Variants in CTNNBIP1 observed in about 807,000 individuals in gnomAD.
CTNNBIP1 encodes catenin beta interacting protein 1.
In CTNNBIP1, 7 loss-of-function variants were observed where a neutral mutation model predicts 11.8. The ratio of observed to expected loss-of-function variants is 0.60; its 90% confidence interval spans 0.34 to 1.12. CTNNBIP1 has a LOEUF of 1.12. Among genes scored for constraint, CTNNBIP1 ranks in the 50% most tolerant of loss-of-function variants. The pLI is 0.03. For synonymous variants in CTNNBIP1, 58 were observed against 43.9 expected (o/e 1.32, Z -1.26); for missense variants, 101 against 113.4 (o/e 0.89, Z 0.50).
chr1:9,904,044 G>A (rs1363301907), intron 1 of CTNNBIP1, among the ~76,000 whole-genome samples: 1 of 152,174 alleles, frequency 6.6e-6, no homozygotes, highest in African/African-American at 2.4e-5. Flanking sequence ...AGGATGAAAT[G>A]AGACAGTGTA....
chr1:9,849,575 A>C lies in CTNNBIP1; in HGVS notation c.*1143T>G, dbSNP rs1216400029. 6.6e-6 allele frequency: 1 copy of C among 152,228 alleles called. No individual in the cohort carries two copies. The highest frequency in any genetic ancestry group is 2.4e-5 in the African/African-American group (1 of 41,456). The allele number at this position is 152,228 out of a possible 1,614,324, so 9.4% of individuals were successfully genotyped here. ...GCTTTTATGTGGGTTCTGGGCTCCC[A>C]GAGACCTCCGCCAGATGACCTCCAG... On this transcript the variant is annotated 3_prime_UTR_variant, in exon 6 of 6. Coordinates refer to ENST00000377263, the MANE Select transcript of CTNNBIP1 (RefSeq NM_020248.3).
chr1:9,907,035 T>C lies in CTNNBIP1; in HGVS notation c.-144+3060A>G, dbSNP rs148593351. ...ATAAGATTTCAAAAGAGCCAGCTTCTAGGGGACACAGACGCTTAACCATAA... is the reference window on the plus strand; with the variant it reads ...ATAAGATTTCAAAAGAGCCAGCTTCCAGGGGACACAGACGCTTAACCATAA... On this transcript the variant is annotated intron_variant, in intron 1 of 5. Coordinates refer to ENST00000377263, the MANE Select transcript of CTNNBIP1 (RefSeq NM_020248.3). Among the ~76,000 whole-genome samples, 615 of 152,324 alleles carry C rather than the reference T, an allele frequency of 4.0e-3. 7 individuals carry two copies. Among genetic ancestry groups the C allele is most frequent in the African/African-American group, 0.014 (587 of 41,560 alleles).
Position 9,871,986 on chromosome 1 carries a change from G to T in CTNNBIP1, c.79C>A (p.Arg27=). 5 of 1,614,074 alleles carry T rather than the reference G, an allele frequency of 3.1e-6. No homozygotes were observed. The highest frequency in any genetic ancestry group is 4.2e-6 in the Non-Finnish European group (5 of 1,179,944). ...QQKVRVLLML[R]KMGSNLTASE... is the part of the protein sequence containing the mutation. ...GCACTCACGTTTGATCCCATCTTCC[G>T]CAGCATGAGCAGCACTCGGACCTTC... The change falls in exon 4 of 6, where the codon CGG becomes AGG. Residue 27 remains arginine, a synonymous_variant. Transcript: ENST00000377263. This position sits in a 1 kb window ranked among gnomAD's most constrained non-coding sequence, Gnocchi z 5.2.
In CTNNBIP1 at chr1:9,849,827, T is replaced by C. The variant is rs1327886156; in HGVS notation, c.*891A>G. 7.2e-5 allele frequency: 11 copies of C among 152,058 alleles called. No homozygotes were observed. Among genetic ancestry groups the C allele is most frequent in the Non-Finnish European group, 1.5e-4 (10 of 68,038 alleles). 9.4% of individuals were successfully genotyped at this position (152,058 alleles called of 1,614,324 possible). A position where few individuals can be genotyped will look rare whatever the true frequency, so the allele number is the denominator to read the frequency against. On this transcript the variant is annotated 3_prime_UTR_variant, in exon 6 of 6. Coordinates refer to ENST00000377263, the MANE Select transcript of CTNNBIP1 (RefSeq NM_020248.3). ...AGCTCATGCAGGCAGTGCACATAAA[T>C]CCCGCCTAACGGTTACCTCTAGGCC...
At chr1:9,859,450 C>T (rs1350043211) in intron 5 of CTNNBIP1, among the ~76,000 whole-genome samples, 1 of 152,196 alleles carries the variant, frequency 6.6e-6, no homozygotes, top group African/African-American at 2.4e-5. Flanking sequence ...CATGCTGGAA[C>T]CAGCTCTGCT....
chr1:9,868,114 T>G (rs1638786043), intron 5 of CTNNBIP1, among the ~76,000 whole-genome samples: 1 of 152,184 alleles, frequency 6.6e-6, no homozygotes, highest in Non-Finnish European at 1.5e-5. Flanking sequence ...CAGAACCTCC[T>G]GCAGCTCAGG....
chr1:9,894,537 T>C (rs1639371931), intron 1 of CTNNBIP1, among the ~76,000 whole-genome samples: 1 of 151,608 alleles, frequency 6.6e-6, no homozygotes, highest in Admixed American at 6.6e-5. Context: ...TTTTTTTCTT[T>C]TCTTTTGTGA....
Position 9,883,255 on chromosome 1 carries a change from A to AT in CTNNBIP1, c.-110+449dup, listed in dbSNP as rs1214148640. ...CCCAGGAAGACCGGAGTCTGGGTGG[A>AT]TTCATGTGAAGCCCTGTGTGAGATG... On this transcript the variant is annotated intron_variant, in intron 2 of 5. Transcript: ENST00000377263. This position sits in a 1 kb window ranked among gnomAD's most constrained non-coding sequence, Gnocchi z 5.6. Among the ~76,000 whole-genome samples the AT allele has an allele frequency of 6.6e-6, 1 of 152,146 alleles. No homozygotes were observed. Among genetic ancestry groups the AT allele is most frequent in the Non-Finnish European group, 1.5e-5 (1 of 68,018 alleles).
chr1:9,892,384 T>C (rs1639322714), intron 1 of CTNNBIP1, among the ~76,000 whole-genome samples: 1 of 148,494 alleles, frequency 6.7e-6, no homozygotes, highest in Admixed American at 6.7e-5. Flanking sequence ...ATCGCGCCAC[T>C]GCATTCCAGC....
intron 2 of CTNNBIP1, among the ~76,000 whole-genome samples, chr1:9,879,504 C>G: frequency 6.6e-6 from 1 of 152,210 alleles, no homozygotes; most frequent in South Asian, 2.1e-4. Flanking sequence ...CTGTGTGTCC[C>G]TTTAACCAGC....
At chr1:9,908,073 G>A (rs912366667) in intron 1 of CTNNBIP1, among the ~76,000 whole-genome samples, 4 of 151,970 alleles carry the variant, frequency 2.6e-5, no homozygotes, top group Non-Finnish European at 5.9e-5. Flanking sequence ...CTCCACCCCC[G>A]CCCAAGACGG....
At chr1:9,908,665 GATTCTT>G (rs1444535835) in intron 1 of CTNNBIP1, among the ~76,000 whole-genome samples, 2 of 152,178 alleles carry the variant, frequency 1.3e-5, no homozygotes, top group African/African-American at 4.8e-5. Flanking sequence ...CCCGGCCACA[GATTCTT>G]ATATGTAATC....
chr1:9,879,460 GTCAGACA>G (rs1639038474), intron 2 of CTNNBIP1, among the ~76,000 whole-genome samples: 1 of 152,108 alleles, frequency 6.6e-6, no homozygotes, highest in African/African-American at 2.4e-5. Flanking sequence ...CTCCCCTAAA[GTCAGACA>G]TCGCTGTAAA....
In CTNNBIP1 at chr1:9,850,585, G is replaced by T; in HGVS notation, c.*133C>A. On this transcript the variant is annotated 3_prime_UTR_variant, in exon 6 of 6. Transcript: ENST00000377263. ...GCCCCACTGAGTAGCTGTGAGGTGG[G>T]GTGGGGCAGGGCAGGGTTGGGTAGG... 2 of 740,976 alleles carry T rather than the reference G, an allele frequency of 2.7e-6. No homozygotes were observed. The highest frequency in any genetic ancestry group is 1.7e-5 in the African/African-American group (1 of 58,912). 45.9% of individuals were successfully genotyped at this position (740,976 alleles called of 1,614,324 possible).
chr1:9,850,845 A>G (rs1638368011), intron 5 of CTNNBIP1, 69 bp from the exon 6 acceptor site: 1 of 1,481,530 alleles, frequency 6.7e-7, no homozygotes, highest in Non-Finnish European at 9.4e-7. Context: ...ACAAGCAAGG[A>G]GGCTGCGGCC....
At chr1:9,908,586 T>G (rs1204236827) in intron 1 of CTNNBIP1, among the ~76,000 whole-genome samples, 1 of 141,702 alleles carries the variant, frequency 7.1e-6, no homozygotes, top group African/African-American at 2.6e-5. Flanking sequence ...GTGGTCTCGA[T>G]CTCCTAACCT....
intron 5 of CTNNBIP1, among the ~76,000 whole-genome samples, chr1:9,855,729 T>C (rs1256105074): frequency 6.6e-6 from 1 of 151,416 alleles, no homozygotes. Flanking sequence ...GAAATGCTTT[T>C]TTTTTTTTTT....
Position 9,883,640 on chromosome 1 carries a change from C to T in CTNNBIP1, c.-110+65G>A, listed in dbSNP as rs1639126859. On this transcript the variant is annotated intron_variant, in intron 2 of 5. Coordinates refer to ENST00000377263, the MANE Select transcript of CTNNBIP1 (RefSeq NM_020248.3). The surrounding 1 kb of genome is among the most constrained non-coding windows in gnomAD (Gnocchi z 5.6). Reference sequence around the variant, plus strand: ...GCAGGGAGGATGAGTGGCTTCTGCTCTTCTTCCTCTGCCTAGAAACCCTTT... The same window carrying T: ...GCAGGGAGGATGAGTGGCTTCTGCTTTTCTTCCTCTGCCTAGAAACCCTTT... 6.5e-6 allele frequency: 1 copy of T among 152,920 alleles called. No homozygotes were observed. The allele number at this position is 152,920 out of a possible 1,614,324, so 9.5% of individuals were successfully genotyped here. A position where few individuals can be genotyped will look rare whatever the true frequency, so the allele number is the denominator to read the frequency against.
intron 5 of CTNNBIP1, among the ~76,000 whole-genome samples, chr1:9,856,981 G>C (rs1427983888): frequency 6.6e-6 from 1 of 151,844 alleles, no homozygotes; most frequent in African/African-American, 2.4e-5. Context: ...AATTAGCAGG[G>C]TGTGGTGGCG....
Sources: gnomAD v4.1 joint callset for allele counts (sites outside exome capture counted in the v4.1 genomes callset) on GRCh38, gnomAD v4.1.1 for gene constraint, Gnocchi (gnomAD v3.1) non-coding constraint, MANE v1.5 for transcripts, NCBI Gene and HGNC (gene_info 2026-07-23, HGNC 2026-07-21) for gene names.